Variants in SLC22A8 observed in about 807,000 individuals in gnomAD.
SLC22A8 encodes solute carrier family 22 member 8, also known as organic anion transporter 3.
Under a neutral mutation model 48.4 loss-of-function variants are expected in SLC22A8, and 40 were observed. That is an observed-to-expected ratio of 0.83 (90% CI 0.64 to 1.08). The LOEUF is 1.08. Ranked by LOEUF, SLC22A8 falls within the 50% of genes least tolerant of loss-of-function variation. SLC22A8 has a pLI of 0.00. For synonymous variants in SLC22A8, 268 were observed against 286.3 expected (o/e 0.94, Z 0.65); for missense variants, 606 against 699.0 (o/e 0.87, Z 1.50).
At chr11:63,006,097 G>T (rs2086551062) in intron 2 of SLC22A8, among the ~76,000 whole-genome samples, 1 of 151,562 alleles carries the variant, frequency 6.6e-6, no homozygotes, top group Admixed American at 6.6e-5. Flanking sequence ...TGCTTTCTGT[G>T]CAAAGACCCT....
rs751429633 is a variant in SLC22A8 at position 63,000,811 on chromosome 11, A to G, written c.346T>C (p.Cys116Arg). 1 of 1,613,224 alleles carries G rather than the reference A, an allele frequency of 6.2e-7. No individual in the cohort carries two copies. Among genetic ancestry groups the G allele is most frequent in the Non-Finnish European group, 8.5e-7 (1 of 1,179,188 alleles). The change falls in exon 3 of 11, where the codon TGC becomes CGC. Residue 116 changes from cysteine (C) to arginine (R), a missense_variant. By Grantham distance (180) the Cys-to-Arg change is radical (BLOSUM62 -3). Transcript: ENST00000336232. ...DSIVTEWDLV[C>R]NSNKLKEMAQ... ...ATCTCCTTCAGTTTGTTGGAGTTGC[A>G]CACCAAGTCCCACTGCACAAGAGAA...
In SLC22A8 at chr11:62,994,399, A is replaced by G. The variant is rs77253319; in HGVS notation, c.1216+143T>C. The G allele has an allele frequency of 5.8e-3, 3,768 of 646,286 alleles. 86 individuals are homozygous for G. Among genetic ancestry groups the G allele is most frequent in the African/African-American group, 0.049 (2,691 of 54,762 alleles). The allele number at this position is 646,286 out of a possible 1,614,324, so 40.0% of individuals were successfully genotyped here. ...ATCTAGCCCAATTGCGTTATTTTCT[A>G]GAAGAGAGACCCTGAGCCCCAGAGA... On this transcript the variant is annotated intron_variant, in intron 8 of 10. Coordinates refer to ENST00000336232, the MANE Select transcript of SLC22A8 (RefSeq NM_004254.4).
Position 62,993,775 on chromosome 11 carries a change from G to A in SLC22A8, c.1320C>T (p.Val440=), listed in dbSNP as rs779418113. Residue 440 remains valine, a synonymous_variant, in exon 9 of 11, where the codon GTC becomes GTT. Transcript: ENST00000336232. ...GCCCCAGGTCCAGCACCTACCTGAT[G>A]ACTGTGGGGTATAATTCACTTGTGT... ...FLYTSELYPT[V]IRQTGMGVSN... is the part of the protein sequence containing the mutation. 6.2e-7 allele frequency: 1 copy of A among 1,611,458 alleles called. No individual in the cohort carries two copies. Among genetic ancestry groups the A allele is most frequent in the Non-Finnish European group, 8.5e-7 (1 of 1,177,502 alleles).
In SLC22A8 at chr11:63,008,758, T is replaced by C. The variant is rs571201941; in HGVS notation, c.333+5868A>G. On this transcript the variant is annotated intron_variant, in intron 2 of 10. Transcript: ENST00000336232. The stretch of plus-strand genomic sequence containing the variant: ...CATGCAGTAGAAAGGGCATGGATTC[T>C]GTAGTCAGGACCTCCCAACACCCCC... Among the ~76,000 whole-genome samples, 3 of 152,330 alleles carry C rather than the reference T, an allele frequency of 2.0e-5. No homozygotes were observed. In the East Asian group the frequency reaches 5.8e-4, roughly 29 times the overall value.
In SLC22A8 at chr11:62,995,857, C is replaced by T. The variant is rs1449622424; in HGVS notation, c.886-38G>A. On this transcript the variant is annotated intron_variant, in intron 6 of 10. Transcript: ENST00000336232. ...GAGGGGGAGGGGTGCCATTAATGAC[C>T]AGCTAGTGGGCAGGACGAAGAGAGG... 11 of 1,547,558 alleles carry T rather than the reference C, an allele frequency of 7.1e-6. No homozygotes were observed. The Admixed American group carries it at 1.8e-4, about 26-fold the overall frequency.
At chr11:63,008,002 G>T (rs2086575371) in intron 2 of SLC22A8, among the ~76,000 whole-genome samples, 1 of 152,234 alleles carries the variant, frequency 6.6e-6, no homozygotes, top group Admixed American at 6.5e-5. Flanking sequence ...CTCCCTGCGT[G>T]CCGTGCTCTG....
Position 63,000,586 on chromosome 11 carries a change from C to T in SLC22A8, c.437+134G>A, listed in dbSNP as rs11568480. ...TGGTCCAGAAAGGTAGTGAGGTTTG[C>T]CCAAGGCCACACAGCAAGAGCCATC... On this transcript the variant is annotated intron_variant, in intron 3 of 10. Transcript: ENST00000336232. 369 of 629,162 alleles carry T rather than the reference C, an allele frequency of 5.9e-4. 3 individuals carry two copies. The East Asian group carries it at 9.7e-3, about 17-fold the overall frequency. 39.0% of individuals were successfully genotyped at this position (629,162 alleles called of 1,614,324 possible).
chr11:63,009,946 G>T (rs903797835), intron 2 of SLC22A8, among the ~76,000 whole-genome samples: 14 of 152,224 alleles, frequency 9.2e-5, no homozygotes, highest in Non-Finnish European at 1.6e-4. Flanking sequence ...GCTGAGGAGG[G>T]AGGCAAAGTC....
intron 7 of SLC22A8, chr11:62,995,383 G>A (rs866682113): frequency 9.6e-6 from 4 of 415,202 alleles, no homozygotes; most frequent in East Asian, 4.6e-5. Flanking sequence ...TGACCCAGAG[G>A]GGGGCAGTGA....
At chr11:62,994,269 A>C in intron 8 of SLC22A8, 1 of 549,504 alleles carries the variant, frequency 1.8e-6, no homozygotes. Context: ...CTCTACAGTG[A>C]TGTCACTCAG....
At chr11:62,997,723 A>G (rs1162947586) in intron 5 of SLC22A8, among the ~76,000 whole-genome samples, 2 of 152,094 alleles carry the variant, frequency 1.3e-5, no homozygotes, top group Non-Finnish European at 2.9e-5. Flanking sequence ...CCAGCTTTGC[A>G]TCTTTTTGTG....
At chr11:62,998,882 G>A (rs1199693850) in intron 5 of SLC22A8, 39 bp downstream of exon 5, 1 of 1,561,488 alleles carries the variant, frequency 6.4e-7, no homozygotes. Context: ...TGGCCCTGGG[G>A]CACCTAAGGA....
chr11:62,997,751 T>C (rs73492015), intron 5 of SLC22A8, among the ~76,000 whole-genome samples: 2,649 of 152,322 alleles, frequency 0.017, 69 homozygotes, highest in African/African-American at 0.061. Flanking sequence ...GAGGAACTGC[T>C]TCACATCTCT....
chr11:62,995,341 G>A (rs1238250238), intron 7 of SLC22A8: 1 of 338,222 alleles, frequency 3.0e-6, no homozygotes, highest in Non-Finnish European at 5.5e-6. Flanking sequence ...CATTGGTCTA[G>A]CCTTGCTCTG....
intron 2 of SLC22A8, among the ~76,000 whole-genome samples, chr11:63,013,037 C>A (rs888478671): frequency 2.0e-5 from 3 of 152,020 alleles, no homozygotes; most frequent in Non-Finnish European, 4.4e-5. Flanking sequence ...TGTGTGACCT[C>A]GAGCAAGCTA....
At chr11:62,998,900 G>GT (rs2086455661) in intron 5 of SLC22A8, 21 bp downstream of exon 5, 1 of 1,587,654 alleles carries the variant, frequency 6.3e-7, no homozygotes, top group Non-Finnish European at 8.6e-7. Context: ...GGAAACAGAT[G>GT]AAGAGGAGAG....
At chr11:63,011,994 T>TC (rs961339419) in intron 2 of SLC22A8, among the ~76,000 whole-genome samples, 11 of 151,670 alleles carry the variant, frequency 7.3e-5, no homozygotes, top group African/African-American at 2.4e-4. Flanking sequence ...CTTTTTCTTT[T>TC]TTTTTTTTTT....
chr11:62,999,162 C>A (rs994438462), intron 4 of SLC22A8, 73 bp from the exon 5 acceptor site: 1 of 1,333,718 alleles, frequency 7.5e-7, no homozygotes, highest in Non-Finnish European at 1.1e-6. Context: ...GGGGCACCAG[C>A]TTCTGCATCC....
chr11:62,998,215 G>T (rs2086446544), intron 5 of SLC22A8, among the ~76,000 whole-genome samples: 4 of 152,104 alleles, frequency 2.6e-5, no homozygotes, highest in Admixed American at 1.3e-4. Flanking sequence ...GCCTCCCAAA[G>T]TGCTAGGATT....
Sources: gnomAD v4.1 joint callset for allele counts (sites outside exome capture counted in the v4.1 genomes callset) on GRCh38, gnomAD v4.1.1 for gene constraint, MANE v1.5 for transcripts, NCBI Gene and HGNC (gene_info 2026-07-23, HGNC 2026-07-21) for gene names.